ARID1A: variants seen among roughly 807,000 people sequenced by gnomAD.
ARID1A encodes AT-rich interactive domain-containing protein 1A.
Under a neutral mutation model 212.6 loss-of-function variants are expected in ARID1A, and 20 were observed. That is an observed-to-expected ratio of 0.09 (90% CI 0.07 to 0.14). The LOEUF (loss-of-function observed/expected upper bound fraction) is 0.14. Among genes scored for constraint, ARID1A ranks in the 10% least tolerant of loss-of-function variants. The pLI, the probability that ARID1A is intolerant of heterozygous loss-of-function variation, is 1.00. For synonymous variants in ARID1A, 1,376 were observed against 1,222.1 expected (o/e 1.13, Z -2.63); for missense variants, 2,587 against 3,059.0 (o/e 0.85, Z 3.64).
intron 4 of ARID1A, among the ~76,000 whole-genome samples, chr1:26,748,329 C>G (rs1417835034): frequency 6.6e-6 from 1 of 152,168 alleles, no homozygotes; most frequent in Non-Finnish European, 1.5e-5. Context: ...ACCCAGAACT[C>G]TGCTTGCTTT....
intron 1 of ARID1A, among the ~76,000 whole-genome samples, chr1:26,723,951 C>T (rs2080591775): frequency 6.6e-6 from 1 of 151,966 alleles, no homozygotes; most frequent in Admixed American, 6.6e-5. Flanking sequence ...GGCAGTCTGC[C>T]CTCAATTTGA....
Position 26,773,567 on chromosome 1 carries a change from C to CAT in ARID1A, c.3867-12_3867-11insTA, listed in dbSNP as rs757292008. 35 of 1,614,108 alleles carry CAT rather than the reference C, an allele frequency of 2.2e-5. No homozygotes were observed. In the African/African-American group the frequency reaches 4.4e-4, roughly 20 times the overall value. ...CTATAGTGGGCTCAATCTGCCTCTC[C>CAT]AATTTTGTTTAGGACGGAGCCTGGA... On this transcript the variant is annotated splice_polypyrimidine_tract_variant and intron_variant, in intron 15 of 19. Transcript: ENST00000324856.
intron 2 of ARID1A, among the ~76,000 whole-genome samples, chr1:26,730,345 C>T (rs1474723020): frequency 6.6e-6 from 1 of 152,174 alleles, no homozygotes; most frequent in Non-Finnish European, 1.5e-5. Context: ...AGCATTGATA[C>T]AAATGTTAAG....
chr1:26,736,859 G>A (rs1183051248), intron 4 of ARID1A, among the ~76,000 whole-genome samples: 2 of 141,756 alleles, frequency 1.4e-5, no homozygotes, highest in Non-Finnish European at 3.0e-5. Flanking sequence ...CCAAGATCAC[G>A]CCATTGCACT....
At chr1:26,745,636 A>G (rs772939604) in intron 4 of ARID1A, among the ~76,000 whole-genome samples, 19 of 152,238 alleles carry the variant, frequency 1.2e-4, no homozygotes, top group Non-Finnish European at 1.9e-4. Context: ...AGAAAGGGCA[A>G]GAGACTTGTC....
chr1:26,701,842 C>G (rs533278495), intron 1 of ARID1A, among the ~76,000 whole-genome samples: 25 of 152,256 alleles, frequency 1.6e-4, no homozygotes, highest in Admixed American at 3.3e-4. Context: ...CAGACTGTTG[C>G]CTTGAAACTG....
At chr1:26,747,613 C>CAGTA (rs1048238782) in intron 4 of ARID1A, among the ~76,000 whole-genome samples, 10 of 150,540 alleles carry the variant, frequency 6.6e-5, no homozygotes, top group African/African-American at 2.2e-4. Context: ...GAGGCTGAGG[C>CAGTA]AGTAGGATTG....
chr1:26,752,451 TTGTACAAG>T (rs1276215395), intron 4 of ARID1A, among the ~76,000 whole-genome samples: 1 of 152,246 alleles, frequency 6.6e-6, no homozygotes, highest in East Asian at 1.9e-4. Flanking sequence ...TGAAACTTTA[TTGTACAAG>T]TGTTCAGTAG....
In ARID1A at chr1:26,781,780, A is replaced by G. The variant is rs2081198174; in HGVS notation, c.*1024A>G. On this transcript the variant is annotated 3_prime_UTR_variant, in exon 20 of 20. Transcript: ENST00000324856. ...ATCGCCCCTCTTGGTGCGATGCTGT[A>G]CAGGTCTCTGTAAAAAGTCCTTGCT... 1 of 233,778 alleles carries G rather than the reference A, an allele frequency of 4.3e-6. No individual in the cohort carries two copies. Among genetic ancestry groups the G allele is most frequent in the Admixed American group, 5.6e-5 (1 of 17,808 alleles). 14.5% of individuals were successfully genotyped at this position (233,778 alleles called of 1,614,324 possible).
At chr1:26,773,068 A>G (rs2124108929) in intron 14 of ARID1A, 81 bp downstream of exon 14, 1 of 1,527,512 alleles carries the variant, frequency 6.5e-7, no homozygotes, top group Non-Finnish European at 8.9e-7. Flanking sequence ...AGAATGGCTC[A>G]GGGTTCTTGT....
intron 18 of ARID1A, 86 bp downstream of exon 18, chr1:26,775,306 G>A: frequency 6.7e-7 from 1 of 1,491,360 alleles, no homozygotes. Flanking sequence ...TCTGGATGAG[G>A]TTGAATCTGG....
intron 1 of ARID1A, among the ~76,000 whole-genome samples, chr1:26,709,189 G>T (rs1008411764): frequency 6.6e-6 from 1 of 151,984 alleles, no homozygotes; most frequent in African/African-American, 2.4e-5. Context: ...TTGAAGCTAT[G>T]GTAAATATTA....
In ARID1A at chr1:26,729,729, G is replaced by A. The variant is rs867122861; in HGVS notation, c.1216G>A (p.Gly406Arg). ...GACTAACCCATACTCGCAGCAACAGGGACCTCCGTCAGGACCGCAGCAAGG... is the reference window on the plus strand; with the variant it reads ...GACTAACCCATACTCGCAGCAACAGAGACCTCCGTCAGGACCGCAGCAAGG... Reference protein sequence around the residue: ...GGTNPYSQQQGPPSGPQQGHG... With the variant: ...GGTNPYSQQQRPPSGPQQGHG... The change falls in exon 2 of 20, where the codon GGA becomes AGA. Residue 406 changes from glycine to arginine, a missense_variant. Transcript: ENST00000324856. 6.2e-7 allele frequency: 1 copy of A among 1,614,218 alleles called. No homozygotes were observed. The highest frequency in any genetic ancestry group is 1.1e-5 in the South Asian group (1 of 91,090).
At chr1:26,739,729 CCTCTG>C (rs1224339705) in intron 4 of ARID1A, among the ~76,000 whole-genome samples, 1 of 152,138 alleles carries the variant, frequency 6.6e-6, no homozygotes, top group African/African-American at 2.4e-5. Flanking sequence ...CCTGGGAGCT[CCTCTG>C]CTCTATGGTG....
rs1187987075 is a variant in ARID1A, at chr1:26,697,519, G to A, written c.1116G>A (p.Gln372=). ...CCGGGAGCAGCGGCGGCGGGGGGCA[G>A]CCGCTCGCCCGGACCCCTCAGGTAC... ...MSPGSSGGGG[Q]PLARTPQPSS... is the part of the protein sequence containing the mutation. Residue 372 remains glutamine (Q), a synonymous_variant, in exon 1 of 20, where the codon CAG becomes CAA. Coordinates refer to ENST00000324856, the MANE Select transcript of ARID1A (RefSeq NM_006015.6). The A allele has an allele frequency of 7.1e-7, 1 of 1,402,844 alleles. No individual in the cohort carries two copies. The highest frequency in any genetic ancestry group is 1.5e-5 in the South Asian group (1 of 64,850). The allele number at this position is 1,402,844 out of a possible 1,614,324, so 86.9% of individuals were successfully genotyped here. A position where few individuals can be genotyped will look rare whatever the true frequency, so the allele number is the denominator to read the frequency against.
intron 4 of ARID1A, among the ~76,000 whole-genome samples, chr1:26,752,014 A>G (rs1321860750): frequency 6.6e-6 from 1 of 152,222 alleles, no homozygotes; most frequent in African/African-American, 2.4e-5. Context: ...GTTTTTGGAA[A>G]CTTGACGGGG....
intron 4 of ARID1A, among the ~76,000 whole-genome samples, chr1:26,748,377 T>G (rs1337218410): frequency 6.6e-6 from 1 of 152,168 alleles, no homozygotes; most frequent in African/African-American, 2.4e-5. Context: ...TCCTGCCCTC[T>G]TTACTCAAGT....
At chr1:26,776,615 A>G (rs1490584250) in intron 19 of ARID1A, among the ~76,000 whole-genome samples, 4 of 150,838 alleles carry the variant, frequency 2.7e-5, no homozygotes, top group South Asian at 2.1e-4. Flanking sequence ...CCCACCCTCC[A>G]TAGGATGTGC....
At chr1:26,737,279 G>A (rs1170657876) in intron 4 of ARID1A, among the ~76,000 whole-genome samples, 1 of 152,078 alleles carries the variant, frequency 6.6e-6, no homozygotes, top group Admixed American at 6.5e-5. Flanking sequence ...AACATGCCCA[G>A]CTAATTTTTG....
Sources: allele counts gnomAD v4.1 joint callset (sites outside exome capture counted in the v4.1 genomes callset), GRCh38; gene constraint gnomAD v4.1.1; transcripts MANE v1.5; gene names NCBI Gene and HGNC (gene_info 2026-07-23, HGNC 2026-07-21).